CDH18: variants seen among roughly 807,000 people sequenced by gnomAD.
CDH18 encodes the protein cadherin-18.
In CDH18, 31 loss-of-function variants were observed where a neutral mutation model predicts 67.9. The ratio of observed to expected loss-of-function variants is 0.46; its 90% CI spans 0.34 to 0.62. The LOEUF (loss-of-function observed/expected upper bound fraction) is 0.62, where lower values mean the gene tolerates loss of function less well. Ranked by LOEUF, CDH18 falls within the 20% of genes least tolerant of loss-of-function variation. The pLI is 0.01. For missense variants in CDH18, 890 were observed against 975.5 expected (o/e 0.91, Z 1.17); for synonymous variants, 362 against 347.2 (o/e 1.04, Z -0.48).
At chr5:20,145,146 C>T (rs1237363421) in intron 2 of CDH18, among the ~76,000 whole-genome samples, 4 of 151,596 alleles carry the variant, frequency 2.6e-5, no homozygotes, top group Admixed American at 1.3e-4. Context: ...AAAATCTAGC[C>T]CTTTTTTAAA....
chr5:20,467,093 A>G (rs1170433413), intron 1 of CDH18, among the ~76,000 whole-genome samples: 1 of 130,152 alleles, frequency 7.7e-6, no homozygotes, highest in African/African-American at 4.6e-5. Flanking sequence ...ATAGTTTAAC[A>G]AGATTATTTG....
intron 1 of CDH18, among the ~76,000 whole-genome samples, chr5:20,488,410 A>G (rs1394208075): frequency 6.6e-6 from 1 of 152,018 alleles, no homozygotes; most frequent in East Asian, 1.9e-4. Flanking sequence ...GTGGTGTGTC[A>G]TGCAGGGGAT....
At chr5:20,286,903 C>A (rs1013381014) in intron 1 of CDH18, among the ~76,000 whole-genome samples, 1 of 151,774 alleles carries the variant, frequency 6.6e-6, no homozygotes, top group Non-Finnish European at 1.5e-5. Context: ...CAAAATTTAT[C>A]ACAAAGTTTC....
intron 5 of CDH18, among the ~76,000 whole-genome samples, chr5:19,695,445 G>A (rs941933358): frequency 3.3e-5 from 5 of 152,132 alleles, no homozygotes; most frequent in African/African-American, 1.2e-4. Context: ...TTAGTAATCT[G>A]CTTATACAGC....
intron 2 of CDH18, among the ~76,000 whole-genome samples, chr5:20,050,228 CT>C (rs1238988985): frequency 2.0e-5 from 3 of 151,720 alleles, no homozygotes; most frequent in Non-Finnish European, 4.4e-5. Flanking sequence ...TGTATTTTGT[CT>C]TTTTCTCATG....
At chr5:19,739,604 G>A (rs1198028810) in intron 4 of CDH18, among the ~76,000 whole-genome samples, 1 of 152,172 alleles carries the variant, frequency 6.6e-6, no homozygotes, top group Non-Finnish European at 1.5e-5. Flanking sequence ...CAAAACACAA[G>A]CTAACTTACA....
intron 1 of CDH18, among the ~76,000 whole-genome samples, chr5:20,405,585 A>C (rs1746173037): frequency 6.6e-6 from 1 of 152,210 alleles, no homozygotes; most frequent in South Asian, 2.1e-4. Context: ...AAATTGACAA[A>C]TGGGATCTAA....
At chr5:20,187,564 C>T (rs1289926457) in intron 2 of CDH18, among the ~76,000 whole-genome samples, 4 of 151,814 alleles carry the variant, frequency 2.6e-5, no homozygotes, top group Admixed American at 2.6e-4. Flanking sequence ...AAATTTCCTG[C>T]TTGCAGCTGT....
At position 19,638,435 on chromosome 5, in the gene CDH18, A is replaced by T. The variant is rs1416724506; in HGVS notation, c.644-25834T>A. Among the ~76,000 whole-genome samples, 21 of 152,126 alleles carry T rather than the reference A, an allele frequency of 1.4e-4. 1 individual carries two copies. The highest frequency in any genetic ancestry group is 1.4e-3 in the Admixed American group (21 of 15,274). ...TTCGTTAGTTTTCTCCTCTTTTCCC[A>T]TGTTATGTGGAAAGAAATTCCACCT... On this transcript the variant is annotated intron_variant, in intron 5 of 12. Coordinates refer to ENST00000382275, the MANE Select transcript of CDH18 (RefSeq NM_004934.5).
rs1407102007 is a variant in CDH18 at position 20,005,240 on chromosome 5, C to T, written c.-517-13226G>A. ...GACACTAGATATCTCACCAGTGGCA[C>T]TGAATACTAGAAGACAGCGCAGAGC... On this transcript the variant is annotated intron_variant, in intron 2 of 14. Transcript: ENST00000507958. Among the ~76,000 whole-genome samples the T allele has an allele frequency of 4.6e-5, 7 of 152,202 alleles. No homozygotes were observed. The South Asian group carries it at 6.2e-4, about 14-fold the overall frequency.
At chr5:20,233,741 T>A (rs1416070168) in intron 2 of CDH18, among the ~76,000 whole-genome samples, 1 of 152,168 alleles carries the variant, frequency 6.6e-6, no homozygotes, top group East Asian at 1.9e-4. Context: ...TCTGTTGGTA[T>A]TTCATTATGT....
intron 11 of CDH18, among the ~76,000 whole-genome samples, chr5:19,489,196 A>G (rs1197441694): frequency 6.6e-6 from 1 of 151,880 alleles, no homozygotes; most frequent in Non-Finnish European, 1.5e-5. Flanking sequence ...TACTTATTTT[A>G]TAATCTCCGA....
chr5:19,815,586 T>C (rs1001556310), intron 3 of CDH18, among the ~76,000 whole-genome samples: 2 of 151,936 alleles, frequency 1.3e-5, no homozygotes, highest in Non-Finnish European at 2.9e-5. Flanking sequence ...GAAGGTTGTC[T>C]TCTAAGTAAT....
intron 8 of CDH18, among the ~76,000 whole-genome samples, chr5:19,559,407 G>A (rs1739030476): frequency 6.6e-6 from 1 of 151,766 alleles, no homozygotes; most frequent in Admixed American, 6.6e-5. Context: ...CACATAAACA[G>A]AATTAAAAAT....
intron 1 of CDH18, among the ~76,000 whole-genome samples, chr5:20,352,489 T>G (rs2150059191): frequency 6.6e-6 from 1 of 151,892 alleles, no homozygotes; most frequent in African/African-American, 2.4e-5. Flanking sequence ...TATGTACAAA[T>G]AAGAACCTGG....
At chr5:19,946,687 T>A (rs1420003158) in intron 2 of CDH18, among the ~76,000 whole-genome samples, 2 of 152,104 alleles carry the variant, frequency 1.3e-5, no homozygotes, top group Non-Finnish European at 2.9e-5. Context: ...ACACAAATTG[T>A]ATGCAATCTC....
chr5:19,666,526 A>G (rs1365208001), intron 5 of CDH18, among the ~76,000 whole-genome samples: 1 of 152,054 alleles, frequency 6.6e-6, no homozygotes, highest in Non-Finnish European at 1.5e-5. Flanking sequence ...AATGAAGAAC[A>G]CGTGACTAAA....
At chr5:20,553,412 T>C (rs1368484602) in intron 1 of CDH18, among the ~76,000 whole-genome samples, 4 of 152,134 alleles carry the variant, frequency 2.6e-5, no homozygotes, top group Non-Finnish European at 5.9e-5. Context: ...CTAAAACAAA[T>C]TGTCCTTTCC....
chr5:19,612,263 G>A (rs1749101313), intron 6 of CDH18, among the ~76,000 whole-genome samples, 171 bp downstream of exon 6: 1 of 152,116 alleles, frequency 6.6e-6, no homozygotes, highest in Non-Finnish European at 1.5e-5. Context: ...AGGTTCAGAA[G>A]ACAATAGCTG....
Sources: allele counts gnomAD v4.1 joint callset (sites outside exome capture counted in the v4.1 genomes callset), GRCh38; gene constraint gnomAD v4.1.1; transcripts MANE v1.5; gene names NCBI Gene and HGNC (gene_info 2026-07-23, HGNC 2026-07-21).